The following CNTNAP2 variants were observed in gnomAD, a reference collection of about 807,000 sequenced individuals.
CNTNAP2 encodes the protein contactin associated protein 2, also known as contactin-associated protein-like 2.
A neutral mutation model predicts 155.2 loss-of-function variants in CNTNAP2; 98 were observed. The ratio of observed to expected loss-of-function variants is 0.63; its 90% CI spans 0.54 to 0.75. The LOEUF is 0.75. Among genes scored for constraint, CNTNAP2 ranks in the 30% least tolerant of loss-of-function variants. The pLI, the probability that CNTNAP2 is intolerant of heterozygous loss-of-function variation, is 0.00. For missense variants in CNTNAP2, 1,727 were observed against 1,688.1 expected, an observed-to-expected ratio of 1.02 and a Z score of -0.40; for synonymous variants, 651 against 631.2, an observed-to-expected ratio of 1.03 and a Z score of -0.47.
chr7:147,468,849 TTTTTCC>T (rs1365938751), intron 10 of CNTNAP2, among the ~76,000 whole-genome samples: 3 of 58,662 alleles, frequency 5.1e-5, no homozygotes, highest in East Asian at 5.2e-4. Flanking sequence ...TTCTTTTTTT[TTTTTCC>T]CCCCAGACAG....
chr7:146,219,998 A>T (rs812433), intron 1 of CNTNAP2, among the ~76,000 whole-genome samples: 3 of 152,116 alleles, frequency 2.0e-5, no homozygotes, highest in Non-Finnish European at 2.9e-5. Flanking sequence ...CTGAGTTGCC[A>T]CAGGTGATGA....
chr7:148,224,619 C>T (rs139303673), intron 19 of CNTNAP2, among the ~76,000 whole-genome samples: 4 of 152,318 alleles, frequency 2.6e-5, no homozygotes, highest in African/African-American at 9.6e-5. Context: ...ATCAGTTACA[C>T]ATTTTGAAAA....
At chr7:146,622,334 C>T (rs890789542) in intron 1 of CNTNAP2, among the ~76,000 whole-genome samples, 65 of 151,598 alleles carry the variant, frequency 4.3e-4, no homozygotes, top group African/African-American at 1.6e-3. Flanking sequence ...TAGAATCAAC[C>T]TTCTAAGGAA....
At chr7:147,317,540 T>A (rs1460944759) in intron 9 of CNTNAP2, among the ~76,000 whole-genome samples, 1 of 152,194 alleles carries the variant, frequency 6.6e-6, no homozygotes, top group Non-Finnish European at 1.5e-5. Flanking sequence ...TTCTACTATT[T>A]CCTCTGTCTG....
chr7:148,333,561 G>T (rs866518499), intron 21 of CNTNAP2, among the ~76,000 whole-genome samples: 1 of 152,134 alleles, frequency 6.6e-6, no homozygotes, highest in Middle Eastern at 3.2e-3. Flanking sequence ...CCATCACTAC[G>T]AAAGGCTACC....
intron 13 of CNTNAP2, among the ~76,000 whole-genome samples, chr7:147,639,622 C>T (rs548385368): frequency 6.6e-6 from 1 of 152,294 alleles, no homozygotes; most frequent in Admixed American, 6.5e-5. Context: ...AACATTCAAG[C>T]AATTCCCTTT....
intron 11 of CNTNAP2, among the ~76,000 whole-genome samples, chr7:147,543,548 C>T (rs1371674142): frequency 6.6e-6 from 1 of 152,118 alleles, no homozygotes; most frequent in Non-Finnish European, 1.5e-5. Context: ...TTTGTTTGTT[C>T]TGTTTTGCAT....
chr7:147,296,667 G>A (rs2692186), intron 8 of CNTNAP2, among the ~76,000 whole-genome samples: 70,568 of 151,938 alleles, frequency 0.46, 16,948 homozygotes, highest in East Asian at 0.71. Context: ...AGTAACCTAT[G>A]AGTACCAAAA....
At chr7:146,708,174 T>C (rs1461936684) in intron 1 of CNTNAP2, among the ~76,000 whole-genome samples, 1 of 152,188 alleles carries the variant, frequency 6.6e-6, no homozygotes, top group Non-Finnish European at 1.5e-5. Context: ...ACTTTCTACC[T>C]TGTATTATTA....
chr7:147,642,126 G>C (rs1352953852), intron 13 of CNTNAP2, among the ~76,000 whole-genome samples: 1 of 151,982 alleles, frequency 6.6e-6, no homozygotes, highest in Non-Finnish European at 1.5e-5. Flanking sequence ...TCATCAGCTT[G>C]TCTTCACTGT....
At chr7:147,552,165 G>A (rs1280426797) in intron 11 of CNTNAP2, among the ~76,000 whole-genome samples, 2 of 152,096 alleles carry the variant, frequency 1.3e-5, no homozygotes, top group Non-Finnish European at 2.9e-5. Context: ...TCAGTTTTGG[G>A]CGGTGTATTT....
At chr7:146,318,089 C>A (rs2129091869) in intron 1 of CNTNAP2, among the ~76,000 whole-genome samples, 1 of 149,366 alleles carries the variant, frequency 6.7e-6, no homozygotes, top group South Asian at 2.1e-4. Context: ...TGCAGTGAGC[C>A]AAGATCGCAC....
At chr7:146,548,744 G>A (rs893515208) in intron 1 of CNTNAP2, among the ~76,000 whole-genome samples, 2 of 148,304 alleles carry the variant, frequency 1.3e-5, no homozygotes, top group Non-Finnish European at 3.0e-5. Flanking sequence ...TATATATTTT[G>A]GAAATTAATC....
chr7:147,300,271 C>T lies in CNTNAP2; in HGVS notation c.1479C>T (p.Gly493=), dbSNP rs779384498. The T allele has an allele frequency of 3.2e-5, 51 of 1,613,538 alleles. No individual in the cohort carries two copies. The highest frequency in any genetic ancestry group is 2.7e-4 in the South Asian group (25 of 91,072). The change falls in exon 9 of 24, where the codon GGC becomes GGT. Residue 493 remains glycine (G), a synonymous_variant. Coordinates refer to ENST00000361727, the MANE Select transcript of CNTNAP2 (RefSeq NM_014141.6). ...ATAGTCCCCTTCAAGTTAAAACTGG[C>T]GAGAAGTACTTTTTTGGAGGTAAGA... ...RTNSPLQVKT[G]EKYFFGGFLN... is the part of the protein sequence containing the mutation.
rs540114119 is a variant in CNTNAP2 at position 147,134,079 on chromosome 7, G to A, written c.1348+1570G>A. Reference sequence around the variant, plus strand: ...TTATGATTAATGATTATTGCCTAATGACTAAACATAAAAATATTAGTATGA... The same window carrying A: ...TTATGATTAATGATTATTGCCTAATAACTAAACATAAAAATATTAGTATGA... On this transcript the variant is annotated intron_variant, in intron 8 of 23. Coordinates refer to ENST00000361727, the MANE Select transcript of CNTNAP2 (RefSeq NM_014141.6). 3.3e-5 allele frequency among the ~76,000 whole-genome samples: 5 copies of A among 152,096 alleles called. No individual in the cohort carries two copies. The East Asian group carries it at 9.6e-4, about 29-fold the overall frequency.
At chr7:147,613,091 T>A (rs933456650) in intron 12 of CNTNAP2, among the ~76,000 whole-genome samples, 1 of 152,206 alleles carries the variant, frequency 6.6e-6, no homozygotes, top group African/African-American at 2.4e-5. Flanking sequence ...TTATTCCAAA[T>A]TATTTTCCAA....
At chr7:147,285,616 T>G (rs1805158704) in intron 8 of CNTNAP2, among the ~76,000 whole-genome samples, 1 of 152,022 alleles carries the variant, frequency 6.6e-6, no homozygotes, top group Non-Finnish European at 1.5e-5. Context: ...TTGCATTGCA[T>G]CTATAATACT....
intron 3 of CNTNAP2, among the ~76,000 whole-genome samples, chr7:146,892,752 G>A (rs1301465511): frequency 6.6e-6 from 1 of 152,084 alleles, no homozygotes; most frequent in African/African-American, 2.4e-5. Context: ...CTCCAGTCTG[G>A]GTGACAGAGT....
chr7:147,348,790 C>T (rs1005419052), intron 9 of CNTNAP2, among the ~76,000 whole-genome samples: 1 of 151,962 alleles, frequency 6.6e-6, no homozygotes, highest in Non-Finnish European at 1.5e-5. Context: ...GGTATATATA[C>T]ACAATGGAAT....
Sources: gnomAD v4.1 joint callset for allele counts (sites outside exome capture counted in the v4.1 genomes callset) on GRCh38, gnomAD v4.1.1 for gene constraint, MANE v1.5 for transcripts, NCBI Gene and HGNC (gene_info 2026-07-23, HGNC 2026-07-21) for gene names.